ZNF33B: variants seen among roughly 807,000 people sequenced by gnomAD.
ZNF33B encodes the protein zinc finger protein 33B.
In ZNF33B, 29 loss-of-function variants were observed where a neutral mutation model predicts 45.8. The observed-to-expected ratio is 0.63, with a 90% CI of 0.47 to 0.86. ZNF33B has a LOEUF of 0.86. ZNF33B is among the 40% of genes least tolerant of loss of function. The pLI, the probability that ZNF33B is intolerant of heterozygous loss-of-function variation, is 0.00. For missense variants in ZNF33B, 831 were observed against 909.9 expected (o/e 0.91, Z 1.12); for synonymous variants, 305 against 307.8 (o/e 0.99, Z 0.10).
At chr10:42,615,173 A>C (rs1838260240) in intron 4 of ZNF33B, among the ~76,000 whole-genome samples, 1 of 152,202 alleles carries the variant, frequency 6.6e-6, no homozygotes, top group Non-Finnish European at 1.5e-5. Flanking sequence ...AGTTCCCAAG[A>C]AAGTTAAACA....
chr10:42,617,493 T>C (rs1282203146), intron 4 of ZNF33B, among the ~76,000 whole-genome samples: 3 of 152,170 alleles, frequency 2.0e-5, no homozygotes, highest in Non-Finnish European at 4.4e-5. Flanking sequence ...TGGTAACAAT[T>C]TGCAGAACTA....
In ZNF33B at chr10:42,593,010, C is replaced by A; in HGVS notation, c.1940G>T (p.Cys647Phe). The change falls in exon 5 of 5, where the codon TGC (cysteine) becomes TTC (phenylalanine). Residue 647 changes from cysteine to phenylalanine, a missense_variant. By Grantham distance (205) the Cys-to-Phe change is radical. Transcript: ENST00000359467. ...YECNECGKAF[C>F]HKSALIVHQR... Reference sequence around the variant, plus strand: ...ATGTACAATTAGAGCTGACTTATGGCAGAAAGCTTTTCCACACTCATTACA... The same window carrying A: ...ATGTACAATTAGAGCTGACTTATGGAAGAAAGCTTTTCCACACTCATTACA... The A allele has an allele frequency of 6.2e-7, 1 of 1,614,060 alleles. No homozygotes were observed. Among genetic ancestry groups the A allele is most frequent in the Non-Finnish European group, 8.5e-7 (1 of 1,179,978 alleles).
chr10:42,575,131 G>A lies in ZNF33B; in HGVS notation c.74-453C>T, dbSNP rs1479704823. The stretch of plus-strand genomic sequence containing the variant: ...AGAAGCGTGGTCTTACATTGACAAG[G>A]TCTTCTTTATTTGGAGATGACTTGT... On this transcript the variant is annotated intron_variant, in intron 1 of 1. Transcript: ENST00000462075. Among the ~76,000 whole-genome samples the A allele has an allele frequency of 3.3e-5, 5 of 152,166 alleles. No homozygotes were observed. In the East Asian group the frequency reaches 9.6e-4, roughly 29 times the overall value.
chr10:42,620,541 C>T (rs1838526495), intron 4 of ZNF33B, among the ~76,000 whole-genome samples: 1 of 151,726 alleles, frequency 6.6e-6, no homozygotes, highest in Non-Finnish European at 1.5e-5. Context: ...TAGCTGGAAC[C>T]ACAGCGCACA....
chr10:42,603,350 T>C (rs780318057), intron 4 of ZNF33B, among the ~76,000 whole-genome samples: 4 of 152,070 alleles, frequency 2.6e-5, no homozygotes, highest in African/African-American at 9.7e-5. Flanking sequence ...TCAAAAAGAA[T>C]GGAAATTCAA....
At chr10:42,603,275 C>T (rs912492128) in intron 4 of ZNF33B, among the ~76,000 whole-genome samples, 1 of 152,180 alleles carries the variant, frequency 6.6e-6, no homozygotes, top group African/African-American at 2.4e-5. Context: ...AGTTCCAAAA[C>T]TCTCCTCCAG....
chr10:42,601,392 T>C (rs1469268097), intron 4 of ZNF33B, among the ~76,000 whole-genome samples: 1 of 151,950 alleles, frequency 6.6e-6, no homozygotes, highest in African/African-American at 2.4e-5. Context: ...CCCACTTTCC[T>C]TTTAGAGACT....
Position 42,592,905 on chromosome 10 carries a change from AAAAT to A in ZNF33B, c.2041_2044del (p.Ile681TyrfsTer91). ...CTCCCCCGTGTGCTTTCTCTCATGT[AAAAT>A]AAGTCCTGACTTCACACAGAAAGAT... On this transcript the variant is annotated frameshift_variant, in exon 5 of 5. Transcript: ENST00000359467. LOFTEE classifies it high-confidence loss of function. 6.2e-7 allele frequency: 1 copy of A among 1,606,040 alleles called. No homozygotes were observed.
At position 42,589,310 on chromosome 10, in the gene ZNF33B, C is replaced by T. The variant is rs751048374; in HGVS notation, c.*3303G>A. On this transcript the variant is annotated 3_prime_UTR_variant, in exon 5 of 5. Transcript: ENST00000359467. ...CAATTGATGAGCCAATAGTGGTACACTGTTATTAACTGAAGTCCAGAGTTG... is the reference window on the plus strand; with the variant it reads ...CAATTGATGAGCCAATAGTGGTACATTGTTATTAACTGAAGTCCAGAGTTG... 6.6e-6 allele frequency: 1 copy of T among 152,204 alleles called. No homozygotes were observed. Among genetic ancestry groups the T allele is most frequent in the African/African-American group, 2.4e-5 (1 of 41,450 alleles). 9.4% of individuals were successfully genotyped at this position (152,204 alleles called of 1,614,324 possible).
In ZNF33B at chr10:42,635,381, AG is replaced by A. The variant is rs201838290; in HGVS notation, c.9+1538del. On this transcript the variant is annotated intron_variant, in intron 2 of 4. Transcript: ENST00000359467. ...TGAGCAGGGAGGTGTCAGGATTGTG[AG>A]GGGGACAAGACGGCAGCTGCAGGAG... 5.5e-3 allele frequency among the ~76,000 whole-genome samples: 837 copies of A among 152,228 alleles called. 33 individuals carry two copies. The East Asian group carries it at 0.086, about 16-fold the overall frequency.
chr10:42,631,289 T>A (rs1164677078), intron 4 of ZNF33B, among the ~76,000 whole-genome samples: 1 of 152,186 alleles, frequency 6.6e-6, no homozygotes, highest in Non-Finnish European at 1.5e-5. Context: ...CACTGCAACC[T>A]CTGCCTTCTG....
chr10:42,629,922 C>T (rs1838974489), intron 4 of ZNF33B, among the ~76,000 whole-genome samples: 1 of 152,136 alleles, frequency 6.6e-6, no homozygotes, highest in Admixed American at 6.5e-5. Context: ...GTGAAATGTA[C>T]CAAGTTTCAT....
At position 42,590,003 on chromosome 10, in the gene ZNF33B, T is replaced by C. The variant is rs1837045812; in HGVS notation, c.*2610A>G. On this transcript the variant is annotated 3_prime_UTR_variant, in exon 5 of 5. Transcript: ENST00000359467. ...CTGTGTTGAGAGGTTTTATCATGAATGGATATTGGATTTTGTCAAATGCTT... is the reference window on the plus strand; with the variant it reads ...CTGTGTTGAGAGGTTTTATCATGAACGGATATTGGATTTTGTCAAATGCTT... The C allele has an allele frequency of 6.6e-6, 1 of 152,228 alleles. No homozygotes were observed. Among genetic ancestry groups the C allele is most frequent in the South Asian group, 2.1e-4 (1 of 4,836 alleles). The allele number at this position is 152,228 out of a possible 1,614,324, so 9.4% of individuals were successfully genotyped here. A position where few individuals can be genotyped will look rare whatever the true frequency, so the allele number is the denominator to read the frequency against.
Position 42,592,524 on chromosome 10 carries a change from T to G in ZNF33B, c.*89A>C. 6.7e-7 allele frequency: 1 copy of G among 1,489,286 alleles called. No individual in the cohort carries two copies. Among genetic ancestry groups the G allele is most frequent in the Non-Finnish European group, 9.0e-7 (1 of 1,105,044 alleles). 92.3% of individuals were successfully genotyped at this position (1,489,286 alleles called of 1,614,324 possible). ...GAGTTTGTGGATAGTTATTGAACAT[T>G]CAGGATGTCAACAGGCCCTTCTCCA... On this transcript the variant is annotated 3_prime_UTR_variant, in exon 5 of 5. Coordinates refer to ENST00000359467, the MANE Select transcript of ZNF33B (RefSeq NM_006955.3).
rs1487268093 is a variant in ZNF33B, at chr10:42,632,311, G to GCTGTAGTT, written c.130_137dup (p.Ser46ArgfsTer18). ...AGACCTTACCCACTGAGACAAGGTT[G>GCTGTAGTT]CTGTAGTTCTCCAGCATCACATCTC... On this transcript the variant is annotated frameshift_variant, in exon 3 of 5. Coordinates refer to ENST00000359467, the MANE Select transcript of ZNF33B (RefSeq NM_006955.3). LOFTEE classifies it high-confidence loss of function. 6.2e-7 allele frequency: 1 copy of GCTGTAGTT among 1,602,860 alleles called. No individual in the cohort carries two copies. Among genetic ancestry groups the GCTGTAGTT allele is most frequent in the African/African-American group, 1.3e-5 (1 of 74,300 alleles).
At chr10:42,619,449 G>A (rs1015880267) in intron 4 of ZNF33B, among the ~76,000 whole-genome samples, 3 of 152,134 alleles carry the variant, frequency 2.0e-5, no homozygotes, top group African/African-American at 7.2e-5. Context: ...ATAAACAAAT[G>A]CTGAGTTTGT....
At chr10:42,602,999 G>T (rs1474081155) in intron 4 of ZNF33B, among the ~76,000 whole-genome samples, 7 of 152,096 alleles carry the variant, frequency 4.6e-5, no homozygotes, top group African/African-American at 1.7e-4. Flanking sequence ...CTGCCAAAAG[G>T]CCTTGAGCCA....
chr10:42,594,432 C>T lies in ZNF33B; in HGVS notation c.518G>A (p.Cys173Tyr), dbSNP rs1277419260. 2.5e-6 allele frequency: 4 copies of T among 1,613,544 alleles called. No homozygotes were observed. Among genetic ancestry groups the T allele is most frequent in the African/African-American group, 1.3e-5 (1 of 74,904 alleles). ...LGKKSDEFNA[C>Y]GKLLLNIKHD... ...CTTAATATTGAGTAACAATTTCCCACATGCATTAAATTCGTCAGACTTTTT... is the reference window on the plus strand; with the variant it reads ...CTTAATATTGAGTAACAATTTCCCATATGCATTAAATTCGTCAGACTTTTT... The change falls in exon 5 of 5, where the codon TGT (cysteine) becomes TAT (tyrosine). Residue 173 changes from cysteine to tyrosine, a missense_variant. Physicochemically the swap from Cys to Tyr is radical, Grantham distance 194. Coordinates refer to ENST00000359467, the MANE Select transcript of ZNF33B (RefSeq NM_006955.3).
chr10:42,584,073 T>A (rs1228760108), intron 1 of ZNF33B, among the ~76,000 whole-genome samples: 2 of 152,162 alleles, frequency 1.3e-5, no homozygotes. Context: ...CAGCCCTTCC[T>A]CCACTAAGCA....
Sources: allele counts gnomAD v4.1 joint callset (sites outside exome capture counted in the v4.1 genomes callset), GRCh38; gene constraint gnomAD v4.1.1; transcripts MANE v1.5; gene names NCBI Gene and HGNC (gene_info 2026-07-23, HGNC 2026-07-21).